TIAM1: variants seen among roughly 807,000 people sequenced by gnomAD.
TIAM1 encodes the protein TIAM Rac1 associated GEF 1, also known as rho guanine nucleotide exchange factor TIAM1.
TIAM1 carries 65 observed loss-of-function variants against 163.5 expected under a neutral mutation model. The ratio of observed to expected loss-of-function variants is 0.40; its 90% CI spans 0.33 to 0.49. The LOEUF is 0.49. Among genes scored for constraint, TIAM1 ranks in the 20% least tolerant of loss-of-function variants. TIAM1 has a pLI of 0.77. For missense variants in TIAM1, 1,789 were observed against 2,044.7 expected (o/e 0.87, Z 2.41); for synonymous variants, 833 against 810.1 (o/e 1.03, Z -0.48).
chr21:31,302,545 G>A (rs1569188953), intron 2 of TIAM1, among the ~76,000 whole-genome samples: 2 of 152,178 alleles, frequency 1.3e-5, no homozygotes, highest in African/African-American at 2.4e-5. Flanking sequence ...TTCTAAGAAT[G>A]AGCTGGGCAA....
chr21:31,408,050 G>C (rs1352135107), intron 2 of TIAM1, among the ~76,000 whole-genome samples: 1 of 152,176 alleles, frequency 6.6e-6, no homozygotes, highest in South Asian at 2.1e-4. Flanking sequence ...CAATTGAAAA[G>C]GCTCCTTGAA....
Position 31,266,022 on chromosome 21 carries a change from A to AGCTCTTG in TIAM1, c.950_951insCAAGAGC (p.Thr319SerfsTer2). 1 of 1,613,384 alleles carries AGCTCTTG rather than the reference A, an allele frequency of 6.2e-7. No homozygotes were observed. Among genetic ancestry groups the AGCTCTTG allele is most frequent in the Non-Finnish European group, 8.5e-7 (1 of 1,179,472 alleles). On this transcript the variant is annotated frameshift_variant, in exon 4 of 28. Transcript: ENST00000541036. LOFTEE classifies it high-confidence loss of function. The stretch of plus-strand genomic sequence containing the variant: ...TCAATCACTTTACCTGAGTTGTTTT[A>AGCTCTTG]GCTCTTCTGCCTTGCATGCTGTTGC...
chr21:31,206,262 T>G (rs1348701901), intron 11 of TIAM1, among the ~76,000 whole-genome samples: 1 of 152,136 alleles, frequency 6.6e-6, no homozygotes, highest in Non-Finnish European at 1.5e-5. Context: ...TGGTCTAACA[T>G]AAAAATAAAA....
chr21:31,322,654 C>T (rs555986346), intron 2 of TIAM1, among the ~76,000 whole-genome samples: 12 of 152,304 alleles, frequency 7.9e-5, no homozygotes, highest in Non-Finnish European at 4.4e-5. Flanking sequence ...CTCTGTGTCA[C>T]GATGCATTGA....
chr21:31,264,966 A>T (rs1249681568), intron 4 of TIAM1, among the ~76,000 whole-genome samples: 1 of 152,222 alleles, frequency 6.6e-6, no homozygotes, highest in East Asian at 1.9e-4. Flanking sequence ...GAACAGAAGT[A>T]CCAGAAAAGG....
chr21:31,347,293 C>G (rs1338517668), upstream of TIAM1, among the ~76,000 whole-genome samples: 1 of 152,086 alleles, frequency 6.6e-6, no homozygotes, highest in African/African-American at 2.4e-5. Flanking sequence ...ACAGCAATAT[C>G]AGAACTGGAG....
intron 2 of TIAM1, among the ~76,000 whole-genome samples, chr21:31,294,601 T>C (rs1262668407): frequency 6.6e-6 from 1 of 152,150 alleles, no homozygotes; most frequent in Non-Finnish European, 1.5e-5. Context: ...GCTTTAAAAA[T>C]GTTGGGCTTC....
At chr21:31,262,693 C>T (rs1407510028) in intron 4 of TIAM1, among the ~76,000 whole-genome samples, 1 of 152,170 alleles carries the variant, frequency 6.6e-6, no homozygotes, top group African/African-American at 2.4e-5. Flanking sequence ...GGGCCAAAAA[C>T]CCATTTTTGA....
At chr21:31,550,817 T>C (rs565931554) in intron 1 of TIAM1, among the ~76,000 whole-genome samples, 3 of 152,290 alleles carry the variant, frequency 2.0e-5, no homozygotes, top group East Asian at 3.9e-4. Context: ...CCATTTCTAA[T>C]TTCACAAGGG....
chr21:31,223,915 C>G (rs2087776152), intron 7 of TIAM1, among the ~76,000 whole-genome samples: 1 of 152,076 alleles, frequency 6.6e-6, no homozygotes, highest in South Asian at 2.1e-4. Flanking sequence ...ATTTCCATCA[C>G]CAAAGAACTA....
chr21:31,385,915 TATTA>T (rs1403516131), intron 2 of TIAM1, among the ~76,000 whole-genome samples: 1 of 147,330 alleles, frequency 6.8e-6, no homozygotes, highest in East Asian at 2.0e-4. Flanking sequence ...ATAATTAATA[TATTA>T]ATTGATAATA....
intron 19 of TIAM1, among the ~76,000 whole-genome samples, chr21:31,148,667 A>G (rs1451376683): frequency 2.6e-5 from 4 of 152,130 alleles, no homozygotes; most frequent in Admixed American, 2.0e-4. Context: ...ACCCTACCAT[A>G]ACCACAGATG....
At chr21:31,183,364 A>G (rs187997841) in intron 14 of TIAM1, among the ~76,000 whole-genome samples, 50 of 152,318 alleles carry the variant, frequency 3.3e-4, no homozygotes, top group African/African-American at 1.2e-3. Context: ...ACCAAGGTGC[A>G]GTTCAAACTC....
intron 2 of TIAM1, among the ~76,000 whole-genome samples, chr21:31,394,139 G>C (rs570604528): frequency 6.6e-6 from 1 of 152,058 alleles, no homozygotes; most frequent in Non-Finnish European, 1.5e-5. Flanking sequence ...AATAATCAAT[G>C]GTATATCACA....
intron 2 of TIAM1, among the ~76,000 whole-genome samples, chr21:31,388,211 T>TC (rs2076909090): frequency 9.9e-6 from 1 of 101,370 alleles, no homozygotes; most frequent in African/African-American, 4.9e-5. Flanking sequence ...AAGAAGACCC[T>TC]AACACACACA....
At chr21:31,514,892 C>T (rs563220854) in intron 1 of TIAM1, among the ~76,000 whole-genome samples, 9 of 152,194 alleles carry the variant, frequency 5.9e-5, no homozygotes, top group East Asian at 3.9e-4. Context: ...TTTGTTCCAG[C>T]GGAAAGCCGA....
chr21:31,161,655 A>G lies in TIAM1; in HGVS notation c.2991+3307T>C, dbSNP rs543163277. ...CAGTCCATTTAGAAAGAAACCAAGA[A>G]TATTACACAAAATCAACAGCTCTAA... On this transcript the variant is annotated intron_variant, in intron 16 of 27. Transcript: ENST00000541036. Among the ~76,000 whole-genome samples the G allele has an allele frequency of 3.9e-5, 6 of 152,370 alleles. No homozygotes were observed. The East Asian group carries it at 1.2e-3, about 29-fold the overall frequency.
At chr21:31,292,758 T>A (rs577196911) in intron 2 of TIAM1, among the ~76,000 whole-genome samples, 1 of 151,264 alleles carries the variant, frequency 6.6e-6, no homozygotes, top group South Asian at 2.1e-4. Context: ...AACCTCCACC[T>A]CCTGGGTTCA....
chr21:31,322,449 G>T (rs930210916), intron 2 of TIAM1, among the ~76,000 whole-genome samples: 1 of 66,384 alleles, frequency 1.5e-5, no homozygotes, highest in East Asian at 3.0e-4. Context: ...CTCTATGGGT[G>T]GGGGGGGGTG....
Sources: gnomAD v4.1 joint callset for allele counts (sites outside exome capture counted in the v4.1 genomes callset) on GRCh38, gnomAD v4.1.1 for gene constraint, MANE v1.5 for transcripts, NCBI Gene and HGNC (gene_info 2026-07-23, HGNC 2026-07-21) for gene names.